The following LRMDA variants were observed in gnomAD, a reference collection of about 807,000 sequenced individuals.
The protein encoded by LRMDA is leucine-rich melanocyte differentiation-associated protein.
Under a neutral mutation model 29.8 loss-of-function variants are expected in LRMDA, and 18 were observed. The ratio of observed to expected loss-of-function variants is 0.60; its 90% confidence interval spans 0.42 to 0.90. The LOEUF (loss-of-function observed/expected upper bound fraction) is 0.90. Ranked by LOEUF, LRMDA falls within the 40% of genes least tolerant of loss-of-function variation. LRMDA has a pLI of 0.00. For synonymous variants in LRMDA, 125 were observed against 109.4 expected, an observed-to-expected ratio of 1.14 and a Z score of -0.89; for missense variants, 273 against 273.9, an observed-to-expected ratio of 1.00 and a Z score of 0.02.
intron 5 of LRMDA, among the ~76,000 whole-genome samples, chr10:76,160,366 A>T (rs890474044): frequency 9.9e-5 from 15 of 152,114 alleles, no homozygotes; most frequent in Admixed American, 6.6e-4. Flanking sequence ...TGATCAGGGA[A>T]ATCTGACACT....
intron 5 of LRMDA, among the ~76,000 whole-genome samples, chr10:76,108,551 GA>G (rs1289309134): frequency 6.6e-6 from 1 of 152,154 alleles, no homozygotes; most frequent in African/African-American, 2.4e-5. Context: ...AGAATGGAAG[GA>G]AAATCACCCA....
chr10:76,361,493 C>G (rs956034488), intron 6 of LRMDA, among the ~76,000 whole-genome samples: 1 of 152,118 alleles, frequency 6.6e-6, no homozygotes, highest in African/African-American at 2.4e-5. Flanking sequence ...CTTATTTGTG[C>G]TGGATCGACC....
At chr10:75,604,201 A>G (rs1199737381) in intron 2 of LRMDA, among the ~76,000 whole-genome samples, 1 of 152,140 alleles carries the variant, frequency 6.6e-6, no homozygotes, top group Non-Finnish European at 1.5e-5. Flanking sequence ...AAGAAGAAGG[A>G]GGTCAAGACA....
intron 2 of LRMDA, among the ~76,000 whole-genome samples, chr10:75,929,729 C>T (rs1192494255): frequency 6.6e-6 from 1 of 152,074 alleles, no homozygotes; most frequent in East Asian, 1.9e-4. Context: ...TGTTTCATTA[C>T]TTTTGGGATC....
At chr10:75,651,494 C>A (rs1303459942) in intron 2 of LRMDA, among the ~76,000 whole-genome samples, 1 of 152,232 alleles carries the variant, frequency 6.6e-6, no homozygotes, top group African/African-American at 2.4e-5. Flanking sequence ...ACAACAAGCT[C>A]ATTTATTCAT....
chr10:75,552,498 G>T, intron 2 of LRMDA: 2 of 459,142 alleles, frequency 4.4e-6, no homozygotes, highest in Non-Finnish European at 9.2e-6. Flanking sequence ...GATGAGGTGT[G>T]CCATCCACCC....
At chr10:75,673,326 C>T (rs994647624) in intron 2 of LRMDA, among the ~76,000 whole-genome samples, 5 of 152,088 alleles carry the variant, frequency 3.3e-5, no homozygotes, top group Admixed American at 6.5e-5. Flanking sequence ...GATGGTATAC[C>T]GCTCCTGAAA....
intron 2 of LRMDA, among the ~76,000 whole-genome samples, chr10:75,747,328 G>A (rs879322492): frequency 8.6e-5 from 13 of 152,044 alleles, no homozygotes; most frequent in South Asian, 4.1e-4. Context: ...AAATACAGCC[G>A]CTAAGAGATT....
chr10:75,561,752 A>G (rs1840298560), intron 2 of LRMDA, among the ~76,000 whole-genome samples: 1 of 152,022 alleles, frequency 6.6e-6, no homozygotes, highest in Admixed American at 6.5e-5. Flanking sequence ...GTTGGTTTCA[A>G]AGAACATCTT....
chr10:75,981,118 T>C, intron 2 of LRMDA, among the ~76,000 whole-genome samples: 1 of 152,284 alleles, frequency 6.6e-6, no homozygotes, highest in South Asian at 2.1e-4. Flanking sequence ...CACTTTTACA[T>C]TCTTAACTTT....
intron 2 of LRMDA, among the ~76,000 whole-genome samples, chr10:75,818,847 C>G (rs1270673947): frequency 6.6e-6 from 1 of 152,154 alleles, no homozygotes; most frequent in Admixed American, 6.5e-5. Flanking sequence ...ACGTTGAAAT[C>G]CATTAGCAGG....
chr10:75,540,342 C>T (rs993627032), intron 2 of LRMDA, among the ~76,000 whole-genome samples: 1 of 152,186 alleles, frequency 6.6e-6, no homozygotes, highest in African/African-American at 2.4e-5. Context: ...AAAGCAAGTA[C>T]AACACCAATG....
At chr10:75,661,165 C>T (rs1841747802) in intron 2 of LRMDA, among the ~76,000 whole-genome samples, 3 of 152,138 alleles carry the variant, frequency 2.0e-5, no homozygotes, top group Admixed American at 2.0e-4. Flanking sequence ...TTCCTGCCAC[C>T]GCCCCTCCGT....
At chr10:76,299,836 A>G (rs1201729879) in intron 5 of LRMDA, among the ~76,000 whole-genome samples, 1 of 152,170 alleles carries the variant, frequency 6.6e-6, no homozygotes, top group Non-Finnish European at 1.5e-5. Context: ...TTCATTGTAC[A>G]AAGAAATGGA....
At chr10:75,571,524 G>A (rs545035890) in intron 2 of LRMDA, among the ~76,000 whole-genome samples, 1 of 152,228 alleles carries the variant, frequency 6.6e-6, no homozygotes, top group East Asian at 1.9e-4. Context: ...CTCAACTCTG[G>A]CGGTTAAATC....
chr10:75,851,352 A>G (rs2132311153), intron 2 of LRMDA, among the ~76,000 whole-genome samples: 1 of 152,288 alleles, frequency 6.6e-6, no homozygotes, highest in East Asian at 1.9e-4. Flanking sequence ...GTTTACTGTT[A>G]TGTTTTTCTA....
At chr10:75,521,705 G>A (rs963609733) in intron 2 of LRMDA, among the ~76,000 whole-genome samples, 9 of 152,184 alleles carry the variant, frequency 5.9e-5, no homozygotes, top group Admixed American at 3.9e-4. Context: ...CTCGCCCTCC[G>A]TGGGCTGCAC....
At chr10:76,539,418 G>A (rs1180269993) in intron 6 of LRMDA, among the ~76,000 whole-genome samples, 2 of 152,178 alleles carry the variant, frequency 1.3e-5, no homozygotes, top group Non-Finnish European at 2.9e-5. Context: ...AAGAAGCTGA[G>A]GCCCAGAGAG....
chr10:75,749,041 A>C (rs535690294), intron 2 of LRMDA, among the ~76,000 whole-genome samples: 1 of 151,824 alleles, frequency 6.6e-6, no homozygotes, highest in Admixed American at 6.6e-5. Context: ...TTTTTTTCCA[A>C]CTCTGCTGCC....
Sources: gnomAD v4.1 joint callset for allele counts (sites outside exome capture counted in the v4.1 genomes callset) on GRCh38, gnomAD v4.1.1 for gene constraint, MANE v1.5 for transcripts, NCBI Gene and HGNC (gene_info 2026-07-23, HGNC 2026-07-21) for gene names.